Variants in OSBP2 observed in about 807,000 individuals in gnomAD.
OSBP2 encodes the protein oxysterol-binding protein 2.
OSBP2 carries 66 observed loss-of-function variants against 96.0 expected under a neutral mutation model. The observed-to-expected ratio is 0.69, with a 90% CI of 0.56 to 0.84. The LOEUF is 0.84. Ranked by LOEUF, OSBP2 falls within the 40% of genes least tolerant of loss-of-function variation. The pLI, the probability that OSBP2 is intolerant of heterozygous loss-of-function variation, is 0.00. For missense variants in OSBP2, 1,038 were observed against 1,222.7 expected, an observed-to-expected ratio of 0.85 and a Z score of 2.25; for synonymous variants, 525 against 520.9, an observed-to-expected ratio of 1.01 and a Z score of -0.11.
At chr22:30,900,992 C>G (rs2040181001) in intron 12 of OSBP2, among the ~76,000 whole-genome samples, 1 of 152,168 alleles carries the variant, frequency 6.6e-6, no homozygotes. Context: ...TAATATCTAC[C>G]TACACTTGAC....
At chr22:30,902,140 C>CAAAAAAAAGAAAAAAAAAAAAA (rs2040223918) in intron 12 of OSBP2, 1 of 253,948 alleles carries the variant, frequency 3.9e-6, no homozygotes, top group African/African-American at 2.9e-5. Context: ...AAAAAAAAAC[C>CAAAAAAAAGAAAAAAAAAAAAA]AAAAAAAAAA....
intron 1 of OSBP2, among the ~76,000 whole-genome samples, chr22:30,722,741 C>A (rs1250243621): frequency 7.1e-6 from 1 of 140,884 alleles, no homozygotes; most frequent in Non-Finnish European, 1.5e-5. Flanking sequence ...CTCCTTCCTT[C>A]TCTTTCTCTC....
At chr22:30,823,664 C>T (rs1352919126) in intron 2 of OSBP2, among the ~76,000 whole-genome samples, 1 of 152,238 alleles carries the variant, frequency 6.6e-6, no homozygotes, top group Non-Finnish European at 1.5e-5. Flanking sequence ...CCAGGAATCC[C>T]ATCCAACCAC....
intron 2 of OSBP2, among the ~76,000 whole-genome samples, chr22:30,760,425 G>A (rs1287455855): frequency 6.6e-6 from 1 of 152,138 alleles, no homozygotes; most frequent in Non-Finnish European, 1.5e-5. Flanking sequence ...TTTGAAACCA[G>A]CAATACAATA....
At chr22:30,694,732 G>A (rs1228477521), upstream of OSBP2, 6 of 412,122 alleles carry the variant, frequency 1.5e-5, no homozygotes, top group African/African-American at 1.1e-4. Flanking sequence ...ATGGCCCGAG[G>A]CTGGCCGAGA....
At chr22:30,713,395 G>T (rs950843420) in intron 1 of OSBP2, among the ~76,000 whole-genome samples, 10 of 151,752 alleles carry the variant, frequency 6.6e-5, no homozygotes, top group Non-Finnish European at 1.3e-4. Flanking sequence ...TTATTTTTAT[G>T]ATTTTTTTCT....
At chr22:30,839,509 T>A (rs2038703293) in intron 2 of OSBP2, among the ~76,000 whole-genome samples, 1 of 150,166 alleles carries the variant, frequency 6.7e-6, no homozygotes, top group Non-Finnish European at 1.5e-5. Context: ...GTCCAGCACC[T>A]GTTGTTTCCT....
At chr22:30,816,937 G>A (rs1477129711) in intron 2 of OSBP2, among the ~76,000 whole-genome samples, 1 of 152,106 alleles carries the variant, frequency 6.6e-6, no homozygotes, top group Non-Finnish European at 1.5e-5. Context: ...GTTTTACCAT[G>A]TTGGTCAGGT....
chr22:30,725,970 G>A (rs952772142), intron 1 of OSBP2, among the ~76,000 whole-genome samples: 3 of 151,914 alleles, frequency 2.0e-5, no homozygotes, highest in Non-Finnish European at 4.4e-5. Context: ...AGTAGAGATG[G>A]GGTTTCGCCG....
At chr22:30,764,095 T>G (rs1322957269) in intron 2 of OSBP2, among the ~76,000 whole-genome samples, 1 of 152,206 alleles carries the variant, frequency 6.6e-6, no homozygotes, top group Non-Finnish European at 1.5e-5. Context: ...GCCACCTCCC[T>G]CTTGGGCCTT....
Position 30,906,403 on chromosome 22 carries a change from C to T in OSBP2, c.*64C>T. The T allele has an allele frequency of 6.7e-7, 1 of 1,486,372 alleles. No homozygotes were observed. The highest frequency in any genetic ancestry group is 9.0e-7 in the Non-Finnish European group (1 of 1,109,546). 92.1% of individuals were successfully genotyped at this position (1,486,372 alleles called of 1,614,324 possible). Reference sequence around the variant, plus strand: ...TGGCCCACCTGTTCATTAATGCACTCAATTTAGTACTGAATGGTCTTTCTC... The same window carrying T: ...TGGCCCACCTGTTCATTAATGCACTTAATTTAGTACTGAATGGTCTTTCTC... On this transcript the variant is annotated 3_prime_UTR_variant, in exon 14 of 14. Transcript: ENST00000332585.
rs2039703406 is a variant in OSBP2, at chr22:30,881,545, G to A, written c.1108-5881G>A. ...GGTAGAGTTGTCACACAGCCTCAGAGAAATGAGACCACGTTCAGGCCTGGG... is the reference window on the plus strand; with the variant it reads ...GGTAGAGTTGTCACACAGCCTCAGAAAAATGAGACCACGTTCAGGCCTGGG... On this transcript the variant is annotated intron_variant, in intron 3 of 13. Transcript: ENST00000332585. This position sits in a 1 kb window ranked among gnomAD's most constrained non-coding sequence, Gnocchi z 4.5. 1.5e-6 allele frequency: 1 copy of A among 653,014 alleles called. No homozygotes were observed. Among genetic ancestry groups the A allele is most frequent in the South Asian group, 1.8e-5 (1 of 55,806 alleles). The allele number at this position is 653,014 out of a possible 1,614,324, so 40.5% of individuals were successfully genotyped here.
chr22:30,773,868 C>T (rs993170221), intron 2 of OSBP2, among the ~76,000 whole-genome samples: 37 of 152,258 alleles, frequency 2.4e-4, no homozygotes, highest in African/African-American at 8.7e-4. Context: ...TAGAGAGGCA[C>T]TCCAGCAGGG....
intron 2 of OSBP2, among the ~76,000 whole-genome samples, chr22:30,772,630 G>A (rs911738857): frequency 3.3e-5 from 5 of 152,152 alleles, no homozygotes; most frequent in Admixed American, 1.3e-4. Flanking sequence ...GGACTGGTTA[G>A]GCCTGGCTTT....
chr22:30,877,941 G>A (rs1471927245), intron 3 of OSBP2, among the ~76,000 whole-genome samples: 1 of 152,244 alleles, frequency 6.6e-6, no homozygotes, highest in Non-Finnish European at 1.5e-5. Context: ...CCTCCTGTGG[G>A]AGCTGTAACC....
intron 2 of OSBP2, among the ~76,000 whole-genome samples, chr22:30,843,047 G>T (rs2038787060): frequency 6.6e-6 from 1 of 152,110 alleles, no homozygotes; most frequent in East Asian, 1.9e-4. Flanking sequence ...GCCTCCCAAA[G>T]TGCTGGGATT....
intron 2 of OSBP2, among the ~76,000 whole-genome samples, chr22:30,775,111 T>G (rs2090412472): frequency 6.6e-6 from 1 of 152,122 alleles, no homozygotes; most frequent in South Asian, 2.1e-4. Flanking sequence ...ACATTCACAG[T>G]GTTGCGCGGC....
At chr22:30,732,440 GGTAGAGTCACTCCCCTGGCA>G (rs898112553) in intron 1 of OSBP2, among the ~76,000 whole-genome samples, 114 of 152,086 alleles carry the variant, frequency 7.5e-4, no homozygotes, top group Admixed American at 1.2e-3. Context: ...GACCCCTGGC[GGTAGAGTCACTCCCCTGGCA>G]GTAGAGTCAC....
rs556998241 is a variant in OSBP2 at position 30,706,762 on chromosome 22, C to T, written c.644+11209C>T. 1.2e-4 allele frequency among the ~76,000 whole-genome samples: 19 copies of T among 152,280 alleles called. 1 individual carries two copies. The South Asian group carries it at 3.5e-3, about 28-fold the overall frequency. ...CCCCCTTTGCAAGCCACATGTGTTT[C>T]ATTCCTCACTCCAGATCTTCCTGCC... On this transcript the variant is annotated intron_variant, in intron 1 of 13. Coordinates refer to ENST00000332585, the MANE Select transcript of OSBP2 (RefSeq NM_030758.4).
Sources: gnomAD v4.1 joint callset for allele counts (sites outside exome capture counted in the v4.1 genomes callset) on GRCh38, gnomAD v4.1.1 for gene constraint, Gnocchi (gnomAD v3.1) non-coding constraint, MANE v1.5 for transcripts, NCBI Gene and HGNC (gene_info 2026-07-23, HGNC 2026-07-21) for gene names.